PRKCE: variants seen among roughly 807,000 people sequenced by gnomAD.
PRKCE encodes protein kinase C epsilon type.
PRKCE carries 16 observed loss-of-function variants against 85.4 expected under a neutral mutation model. The ratio of observed to expected loss-of-function variants is 0.19; its 90% CI spans 0.13 to 0.28. The LOEUF (loss-of-function observed/expected upper bound fraction) is 0.28, where lower values mean the gene tolerates loss of function less well. PRKCE is among the 10% of genes least tolerant of loss of function. PRKCE has a pLI of 1.00. For synonymous variants in PRKCE, 388 were observed against 371.5 expected (o/e 1.04, Z -0.51); for missense variants, 573 against 975.2 (o/e 0.59, Z 5.49).
At chr2:45,865,619 C>T (rs1693529327) in intron 2 of PRKCE, among the ~76,000 whole-genome samples, 1 of 152,064 alleles carries the variant, frequency 6.6e-6, no homozygotes, top group Admixed American at 6.5e-5. Context: ...AAAAGAAGGA[C>T]CTTGTAACAG....
intron 11 of PRKCE, among the ~76,000 whole-genome samples, chr2:46,100,652 C>G (rs1671118479): frequency 6.6e-6 from 1 of 152,198 alleles, no homozygotes; most frequent in South Asian, 2.1e-4. Flanking sequence ...TAGATTTGTA[C>G]TTTTGTCTGG....
intron 2 of PRKCE, among the ~76,000 whole-genome samples, chr2:45,976,160 G>A (rs528190912): frequency 5.3e-5 from 8 of 152,342 alleles, no homozygotes; most frequent in South Asian, 2.1e-4. Context: ...GGAAAGGGCA[G>A]CCAGCCCTGG....
intron 11 of PRKCE, among the ~76,000 whole-genome samples, chr2:46,115,361 A>AT (rs949756819): frequency 3.3e-5 from 5 of 152,082 alleles, no homozygotes; most frequent in Non-Finnish European, 5.9e-5. Context: ...AAAACCTAAC[A>AT]TTTTTTTGTA....
rs1675965036 is a variant in PRKCE, at chr2:46,145,333, C to CATCTAGTGGTGCTGGGGGAAGGCTG, written c.1731+102_1731+103insATCTAGTGGTGCTGGGGGAAGGCTG. 1 of 1,446,154 alleles carries CATCTAGTGGTGCTGGGGGAAGGCTG rather than the reference C, an allele frequency of 6.9e-7. No individual in the cohort carries two copies. Among genetic ancestry groups the CATCTAGTGGTGCTGGGGGAAGGCTG allele is most frequent in the Non-Finnish European group, 9.4e-7 (1 of 1,064,774 alleles). 89.6% of individuals were successfully genotyped at this position (1,446,154 alleles called of 1,614,324 possible). On this transcript the variant is annotated intron_variant, in intron 12 of 14. Transcript: ENST00000306156. The surrounding 1 kb of genome is among the most constrained non-coding windows in gnomAD (Gnocchi z 4.6). Reference sequence around the variant, plus strand: ...CATCTAGTGGTGCTGGGGGAAGGCTCTGGAAATCCAGGATGGATTCTAGGA... The same window carrying CATCTAGTGGTGCTGGGGGAAGGCTG: ...CATCTAGTGGTGCTGGGGGAAGGCTCATCTAGTGGTGCTGGGGGAAGGCTGTGGAAATCCAGGATGGATTCTAGGA...
chr2:46,028,852 T>A (rs968373357), intron 10 of PRKCE, among the ~76,000 whole-genome samples: 2 of 152,168 alleles, frequency 1.3e-5, no homozygotes, highest in African/African-American at 4.8e-5. Context: ...GTTGTTCCCC[T>A]CTATGTGTCC....
intron 2 of PRKCE, among the ~76,000 whole-genome samples, chr2:45,848,163 T>C (rs983483842): frequency 2.6e-5 from 4 of 152,172 alleles, no homozygotes; most frequent in South Asian, 2.1e-4. Context: ...TATCGACGGG[T>C]TCTCTCAGAT....
chr2:45,838,850 C>A (rs1178581800), intron 1 of PRKCE, among the ~76,000 whole-genome samples: 2 of 152,144 alleles, frequency 1.3e-5, no homozygotes, highest in African/African-American at 4.8e-5. Context: ...TGTAACAATA[C>A]CAACTTTGTT....
chr2:45,957,262 G>A (rs1015014429), intron 2 of PRKCE, among the ~76,000 whole-genome samples: 2 of 152,284 alleles, frequency 1.3e-5, no homozygotes, highest in East Asian at 1.9e-4. Flanking sequence ...TAGGTTTTAC[G>A]TTTTTGTCCA....
intron 1 of PRKCE, among the ~76,000 whole-genome samples, chr2:45,715,898 C>T (rs997055464): frequency 1.3e-5 from 2 of 152,142 alleles, no homozygotes; most frequent in African/African-American, 2.4e-5. Flanking sequence ...TTTCTGCACT[C>T]CCCCCATGAT....
chr2:45,928,712 T>G (rs921674180), intron 2 of PRKCE, among the ~76,000 whole-genome samples: 17 of 152,248 alleles, frequency 1.1e-4, no homozygotes, highest in African/African-American at 3.9e-4. Flanking sequence ...GAGATGAGGC[T>G]GGGACAAGCC....
At chr2:45,709,282 C>T (rs1401777568) in intron 1 of PRKCE, among the ~76,000 whole-genome samples, 1 of 152,216 alleles carries the variant, frequency 6.6e-6, no homozygotes, top group Admixed American at 6.5e-5. Context: ...GGCAGCTGCT[C>T]CAACCAGGCC....
At chr2:45,744,412 CTTTTCTTT>C (rs1408300726) in intron 1 of PRKCE, among the ~76,000 whole-genome samples, 3 of 148,200 alleles carry the variant, frequency 2.0e-5, no homozygotes, top group Non-Finnish European at 4.5e-5. Context: ...TCTTTCTTTT[CTTTTCTTT>C]CTTTCTTTCT....
intron 13 of PRKCE, among the ~76,000 whole-genome samples, chr2:46,153,154 G>A (rs1184059911): frequency 6.6e-6 from 1 of 151,994 alleles, no homozygotes; most frequent in Non-Finnish European, 1.5e-5. Context: ...GCCTTGTGAA[G>A]TTTCCAATCC....
chr2:45,960,107 C>T (rs569617326), intron 2 of PRKCE, among the ~76,000 whole-genome samples: 3 of 152,146 alleles, frequency 2.0e-5, no homozygotes, highest in Non-Finnish European at 4.4e-5. Context: ...TAGAGAAATA[C>T]AAACAGAATG....
At chr2:45,663,922 A>C (rs1191028409) in intron 1 of PRKCE, among the ~76,000 whole-genome samples, 1 of 152,270 alleles carries the variant, frequency 6.6e-6, no homozygotes, top group Non-Finnish European at 1.5e-5. Context: ...AAAACAAACT[A>C]TCCAAAGAAC....
intron 2 of PRKCE, among the ~76,000 whole-genome samples, chr2:45,932,815 C>A (rs1699142708): frequency 6.6e-6 from 1 of 152,208 alleles, no homozygotes; most frequent in African/African-American, 2.4e-5. Flanking sequence ...GGGCAATCGT[C>A]ATGCTACTTT....
chr2:46,097,814 G>C (rs965532572), intron 11 of PRKCE, among the ~76,000 whole-genome samples: 1 of 152,226 alleles, frequency 6.6e-6, no homozygotes, highest in African/African-American at 2.4e-5. Flanking sequence ...ACTTGAGGCT[G>C]AGACTATCTT....
intron 2 of PRKCE, among the ~76,000 whole-genome samples, chr2:45,975,108 G>A (rs1702358291): frequency 1.3e-5 from 2 of 152,306 alleles, no homozygotes; most frequent in South Asian, 4.1e-4. Context: ...GAGTAGCTGT[G>A]TTAACAGGAG....
At chr2:45,865,910 C>G (rs1406281344) in intron 2 of PRKCE, among the ~76,000 whole-genome samples, 1 of 150,782 alleles carries the variant, frequency 6.6e-6, no homozygotes, top group Non-Finnish European at 1.5e-5. Flanking sequence ...CTCAACCTCA[C>G]AGGCTCAAGT....
Sources: allele counts gnomAD v4.1 joint callset (sites outside exome capture counted in the v4.1 genomes callset), GRCh38; gene constraint gnomAD v4.1.1; non-coding constraint Gnocchi (gnomAD v3.1); transcripts MANE v1.5; gene names NCBI Gene and HGNC (gene_info 2026-07-23, HGNC 2026-07-21).